DLG2: variants seen among roughly 807,000 people sequenced by gnomAD.
The protein encoded by DLG2 is discs large MAGUK scaffold protein 2, also known as disks large homolog 2.
A neutral mutation model predicts 132.5 loss-of-function variants in DLG2; 45 were observed. The observed-to-expected ratio is 0.34, with a 90% CI of 0.27 to 0.44. DLG2 has a LOEUF of 0.44. Ranked by LOEUF, DLG2 falls within the 20% of genes least tolerant of loss-of-function variation. DLG2 has a pLI of 1.00. For missense variants in DLG2, 1,045 were observed against 1,196.9 expected (o/e 0.87, Z 1.87); for synonymous variants, 424 against 419.6 (o/e 1.01, Z -0.13).
At chr11:84,678,068 C>T (rs1049785356) in intron 6 of DLG2, among the ~76,000 whole-genome samples, 1 of 151,974 alleles carries the variant, frequency 6.6e-6, no homozygotes, top group East Asian at 1.9e-4. Flanking sequence ...TAAAAAATTG[C>T]GTCCCTGAAG....
chr11:83,940,708 AGAGGAAACAAACT>A (rs2082455205), intron 14 of DLG2, among the ~76,000 whole-genome samples: 1 of 152,230 alleles, frequency 6.6e-6, no homozygotes, highest in African/African-American at 2.4e-5. Flanking sequence ...AGAATAGGAC[AGAGGAAACAAACT>A]GTGATTCTCA....
Position 84,592,933 on chromosome 11 carries a change from T to TAAAAAAAAA in DLG2, c.358-58211_358-58203dup, listed in dbSNP as rs61017970. Among the ~76,000 whole-genome samples, 6 of 18,198 alleles carry TAAAAAAAAA rather than the reference T, an allele frequency of 3.3e-4. 2 individuals carry two copies. The highest frequency in any genetic ancestry group is 6.8e-4 in the African/African-American group (3 of 4,430). 11.9% of individuals were successfully genotyped at this position (18,198 alleles called of 152,430 possible). A position where few individuals can be genotyped will look rare whatever the true frequency, so the allele number is the denominator to read the frequency against. On this transcript the variant is annotated intron_variant, in intron 6 of 27. Transcript: ENST00000376104. ...TAACACGGTGAAACCCTGTCTCTAC[T>TAAAAAAAAA]AAAAAAAAAAAAAAAAAAAAAAAAA... is the stretch of plus-strand genomic sequence containing the variant.
chr11:84,889,862 CG>C (rs1324999149), intron 6 of DLG2, among the ~76,000 whole-genome samples: 18 of 152,138 alleles, frequency 1.2e-4, no homozygotes, highest in Non-Finnish European at 1.8e-4. Flanking sequence ...ACAAAAGTCT[CG>C]AGTTTGCCAA....
At chr11:84,968,339 T>C (rs1386524545) in intron 6 of DLG2, among the ~76,000 whole-genome samples, 2 of 152,150 alleles carry the variant, frequency 1.3e-5, no homozygotes, top group African/African-American at 4.8e-5. Context: ...AACAGAATAA[T>C]AACAGAGGTA....
chr11:84,308,696 T>A (rs1219720611), intron 7 of DLG2, among the ~76,000 whole-genome samples: 4 of 152,176 alleles, frequency 2.6e-5, no homozygotes, highest in Non-Finnish European at 5.9e-5. Flanking sequence ...GGGAGGCAGC[T>A]AAGGCCCGTG....
chr11:84,540,781 G>A (rs77448764), intron 6 of DLG2, among the ~76,000 whole-genome samples: 1 of 152,044 alleles, frequency 6.6e-6, no homozygotes, highest in Admixed American at 6.5e-5. Flanking sequence ...CCAAAGACTT[G>A]GAACCAACCC....
At chr11:84,844,680 A>C (rs1364795472) in intron 6 of DLG2, among the ~76,000 whole-genome samples, 1 of 152,124 alleles carries the variant, frequency 6.6e-6, no homozygotes, top group Non-Finnish European at 1.5e-5. Context: ...AGTATAAATT[A>C]AATTTGGAAG....
At chr11:83,496,191 T>C (rs1355213828) in intron 21 of DLG2, among the ~76,000 whole-genome samples, 1 of 150,592 alleles carries the variant, frequency 6.6e-6, no homozygotes, top group Non-Finnish European at 1.5e-5. Flanking sequence ...ATAAGATATA[T>C]ATATATATAT....
At chr11:84,867,306 C>T (rs1421896784) in intron 6 of DLG2, among the ~76,000 whole-genome samples, 3 of 152,176 alleles carry the variant, frequency 2.0e-5, no homozygotes, top group Non-Finnish European at 4.4e-5. Context: ...CTCTGCTAGC[C>T]ATTGGCCTCA....
intron 18 of DLG2, among the ~76,000 whole-genome samples, chr11:83,655,501 C>T (rs1392274767): frequency 6.6e-6 from 1 of 152,164 alleles, no homozygotes; most frequent in Non-Finnish European, 1.5e-5. Context: ...TGCTTGGGAG[C>T]AGATGGATTA....
At chr11:85,281,886 T>C (rs1466922141) in intron 4 of DLG2, among the ~76,000 whole-genome samples, 2 of 151,988 alleles carry the variant, frequency 1.3e-5, no homozygotes, top group Non-Finnish European at 2.9e-5. Flanking sequence ...AAATTCAGTA[T>C]ATTGAAGAAG....
chr11:84,472,264 A>T (rs1480558859), intron 7 of DLG2, among the ~76,000 whole-genome samples: 1 of 151,940 alleles, frequency 6.6e-6, no homozygotes, highest in African/African-American at 2.4e-5. Context: ...TGTGTCTAGC[A>T]TGCTACCTAT....
chr11:85,243,326 T>C (rs769712852), intron 4 of DLG2, among the ~76,000 whole-genome samples: 1 of 152,094 alleles, frequency 6.6e-6, no homozygotes, highest in South Asian at 2.1e-4. Context: ...TGACTAGACA[T>C]TGAGCTTTTC....
intron 19 of DLG2, among the ~76,000 whole-genome samples, chr11:83,625,184 C>A (rs2062297927): frequency 6.6e-6 from 1 of 152,146 alleles, no homozygotes; most frequent in South Asian, 2.1e-4. Flanking sequence ...GTGGCATGTT[C>A]TCTGGGAAAC....
chr11:83,503,456 C>CAG, intron 21 of DLG2, among the ~76,000 whole-genome samples: 1 of 141,924 alleles, frequency 7.0e-6, no homozygotes, highest in Admixed American at 7.4e-5. Context: ...TATTTATACA[C>CAG]ACACACACAT....
intron 2 of DLG2, among the ~76,000 whole-genome samples, chr11:85,606,094 C>A (rs976100631): frequency 2.0e-5 from 3 of 152,064 alleles, no homozygotes; most frequent in Non-Finnish European, 4.4e-5. Context: ...GGTAGAATGT[C>A]AAGTCATGGA....
chr11:83,847,963 T>C (rs1270175236), intron 16 of DLG2, among the ~76,000 whole-genome samples: 1 of 152,168 alleles, frequency 6.6e-6, no homozygotes. Flanking sequence ...CTACCAGTCA[T>C]ATGTGTTAGT....
At chr11:83,732,871 C>G (rs1281926422) in intron 18 of DLG2, among the ~76,000 whole-genome samples, 2 of 152,154 alleles carry the variant, frequency 1.3e-5, no homozygotes, top group Non-Finnish European at 2.9e-5. Flanking sequence ...AAGCTCATAG[C>G]TCACCTTCTG....
intron 6 of DLG2, among the ~76,000 whole-genome samples, chr11:85,041,466 C>A (rs901384094): frequency 6.6e-6 from 1 of 151,846 alleles, no homozygotes; most frequent in Non-Finnish European, 1.5e-5. Context: ...AAAGGCATGT[C>A]AATTTCATAG....
Sources: allele counts gnomAD v4.1 joint callset (sites outside exome capture counted in the v4.1 genomes callset), GRCh38; gene constraint gnomAD v4.1.1; transcripts MANE v1.5; gene names NCBI Gene and HGNC (gene_info 2026-07-23, HGNC 2026-07-21).